Variants in ATP10A observed in about 807,000 individuals in gnomAD.
ATP10A encodes phospholipid-transporting ATPase VA.
In ATP10A, 111 loss-of-function variants were observed where a neutral mutation model predicts 147.8. That is an observed-to-expected ratio of 0.75 (90% CI 0.64 to 0.88). The LOEUF is 0.88. Ranked by LOEUF, ATP10A falls within the 40% of genes least tolerant of loss-of-function variation. The pLI is 0.00. For synonymous variants in ATP10A, 875 were observed against 841.6 expected (o/e 1.04, Z -0.69); for missense variants, 1,927 against 1,959.0 (o/e 0.98, Z 0.31).
At chr15:25,856,494 T>C (rs912573325) in intron 1 of ATP10A, among the ~76,000 whole-genome samples, 5 of 152,210 alleles carry the variant, frequency 3.3e-5, no homozygotes, top group African/African-American at 1.2e-4. Context: ...TAGCGTTAGA[T>C]GTTAGTGATC....
At chr15:25,709,432 T>C (rs1596728259) in intron 10 of ATP10A, 1 of 152,230 alleles carries the variant, frequency 6.6e-6, no homozygotes, top group African/African-American at 2.4e-5. Flanking sequence ...GGTTTTGGAA[T>C]TGAAATACTC....
At chr15:25,769,065 C>G (rs1376370946) in intron 2 of ATP10A, among the ~76,000 whole-genome samples, 3 of 152,136 alleles carry the variant, frequency 2.0e-5, no homozygotes, top group Non-Finnish European at 4.4e-5. Flanking sequence ...AGTGCCTTGA[C>G]TCTCACACAC....
chr15:25,681,256 A>C, intron 17 of ATP10A, among the ~76,000 whole-genome samples, 182 bp from the exon 18 acceptor site: 1 of 152,208 alleles, frequency 6.6e-6, no homozygotes, highest in Admixed American at 6.5e-5. Flanking sequence ...ATACCTGATA[A>C]CAAAAATGAT....
At chr15:25,800,603 T>A (rs1308891256) in intron 1 of ATP10A, among the ~76,000 whole-genome samples, 1 of 152,170 alleles carries the variant, frequency 6.6e-6, no homozygotes, top group Non-Finnish European at 1.5e-5. Context: ...GAAGCTACAT[T>A]CTGACACGGC....
At chr15:25,823,381 C>T (rs763916136) in intron 1 of ATP10A, among the ~76,000 whole-genome samples, 8 of 152,130 alleles carry the variant, frequency 5.3e-5, no homozygotes, top group African/African-American at 9.7e-5. Context: ...TATATTACAC[C>T]CATTTAATAG....
intron 1 of ATP10A, among the ~76,000 whole-genome samples, chr15:25,795,214 G>C (rs904027200): frequency 2.0e-5 from 3 of 152,148 alleles, no homozygotes; most frequent in Admixed American, 6.5e-5. Flanking sequence ...GACTGAATCA[G>C]CCAGGGCATC....
intron 13 of ATP10A, among the ~76,000 whole-genome samples, chr15:25,700,187 A>C (rs1900582117): frequency 6.6e-6 from 1 of 152,244 alleles, no homozygotes; most frequent in African/African-American, 2.4e-5. Context: ...ACAAGATACC[A>C]CTACACACCC....
chr15:25,715,932 C>A (rs957481590), intron 9 of ATP10A, among the ~76,000 whole-genome samples: 1 of 152,152 alleles, frequency 6.6e-6, no homozygotes, highest in African/African-American at 2.4e-5. Flanking sequence ...GCTTCCGTGC[C>A]CCCTACACTG....
chr15:25,851,545 T>C (rs1006484247), intron 1 of ATP10A, among the ~76,000 whole-genome samples: 4 of 152,212 alleles, frequency 2.6e-5, no homozygotes, highest in African/African-American at 4.8e-5. Flanking sequence ...AAACAAAGAA[T>C]GCTTTCATGT....
intron 3 of ATP10A, among the ~76,000 whole-genome samples, chr15:25,732,021 C>G (rs962105044): frequency 6.6e-6 from 1 of 151,940 alleles, no homozygotes; most frequent in African/African-American, 2.4e-5. Flanking sequence ...ACACCCACAC[C>G]AGGCTAATTT....
intron 2 of ATP10A, among the ~76,000 whole-genome samples, chr15:25,749,002 G>A (rs988246211): frequency 7.0e-6 from 1 of 142,670 alleles, no homozygotes; most frequent in South Asian, 2.2e-4. Flanking sequence ...GGCAGAGGTT[G>A]CAATGAGCCA....
intron 1 of ATP10A, chr15:25,861,991 G>A (rs1335037317): frequency 6.2e-6 from 2 of 323,694 alleles, no homozygotes; most frequent in East Asian, 9.6e-5. Context: ...CCCGTGGCAG[G>A]GCTCACAAAC....
In ATP10A at chr15:25,747,205, C is replaced by A. The variant is rs141181896; in HGVS notation, c.655-11064G>T. Among the ~76,000 whole-genome samples, 638 of 150,758 alleles carry A rather than the reference C, an allele frequency of 4.2e-3. 6 individuals are homozygous for A. Among genetic ancestry groups the A allele is most frequent in the African/African-American group, 0.015 (620 of 40,956 alleles). ...CAAGGAGGCTGAGTCAAGAGAAACA[C>A]TTGAACACGGGAGGCGGAGGTTACA... On this transcript the variant is annotated intron_variant, in intron 2 of 20. Transcript: ENST00000555815.
intron 1 of ATP10A, among the ~76,000 whole-genome samples, chr15:25,835,779 G>A (rs774215640): frequency 2.0e-5 from 3 of 151,924 alleles, no homozygotes; most frequent in South Asian, 2.1e-4. Context: ...TTACAAGCTC[G>A]TGCCACCACG....
chr15:25,689,356 A>G (rs1899882219), intron 15 of ATP10A, among the ~76,000 whole-genome samples: 1 of 152,212 alleles, frequency 6.6e-6, no homozygotes, highest in South Asian at 2.1e-4. Context: ...GATGAGCCAG[A>G]GCTCACGAAG....
chr15:25,801,474 CATG>C (rs1890936392), intron 1 of ATP10A, among the ~76,000 whole-genome samples: 9 of 152,162 alleles, frequency 5.9e-5, no homozygotes, highest in Admixed American at 5.9e-4. Context: ...TGTTAAGGTG[CATG>C]CAGCGCTTAG....
chr15:25,741,331 G>C (rs1478379932), intron 2 of ATP10A, among the ~76,000 whole-genome samples: 1 of 152,124 alleles, frequency 6.6e-6, no homozygotes, highest in East Asian at 1.9e-4. Context: ...TGGGGACCTA[G>C]AGCCCCTGCC....
intron 17 of ATP10A, 27 bp downstream of exon 17, chr15:25,683,259 G>A: frequency 6.2e-7 from 1 of 1,607,978 alleles, no homozygotes; most frequent in Non-Finnish European, 8.5e-7. Context: ...TCAGGAGGTG[G>A]AAGGCGGAGA....
chr15:25,772,441 C>T (rs751526938), intron 2 of ATP10A, among the ~76,000 whole-genome samples: 4 of 152,090 alleles, frequency 2.6e-5, no homozygotes, highest in Non-Finnish European at 4.4e-5. Context: ...CCGTGGCCCA[C>T]GCAGGCTCAC....
Sources: gnomAD v4.1 joint callset for allele counts (sites outside exome capture counted in the v4.1 genomes callset) on GRCh38, gnomAD v4.1.1 for gene constraint, MANE v1.5 for transcripts, NCBI Gene and HGNC (gene_info 2026-07-23, HGNC 2026-07-21) for gene names.